FAM184A: variants seen among roughly 807,000 people sequenced by gnomAD.
FAM184A encodes the protein protein FAM184A.
FAM184A carries 99 observed loss-of-function variants against 143.8 expected under a neutral mutation model. The observed-to-expected ratio is 0.69, with a 90% CI of 0.58 to 0.81. The LOEUF is 0.81. Ranked by LOEUF, FAM184A falls within the 40% of genes least tolerant of loss-of-function variation. The probability of loss-of-function intolerance (pLI) is 0.00; values close to 1 mark genes in which losing one functional copy is unlikely to be tolerated. For synonymous variants in FAM184A, 427 were observed against 446.4 expected (o/e 0.96, Z 0.55); for missense variants, 1,217 against 1,310.5 (o/e 0.93, Z 1.10).
intron 1 of FAM184A, among the ~76,000 whole-genome samples, chr6:119,043,275 C>T (rs1260893779): frequency 6.6e-6 from 1 of 152,156 alleles, no homozygotes; most frequent in Non-Finnish European, 1.5e-5. Flanking sequence ...CAGGCATTGG[C>T]TCACCTGTGG....
At chr6:119,067,792 T>C in intron 1 of FAM184A, among the ~76,000 whole-genome samples, 1 of 152,086 alleles carries the variant, frequency 6.6e-6, no homozygotes, top group Non-Finnish European at 1.5e-5. Flanking sequence ...TCCCCAACAA[T>C]GTAGACTATA....
At chr6:119,074,157 C>T (rs1039047493) in intron 1 of FAM184A, among the ~76,000 whole-genome samples, 1 of 152,336 alleles carries the variant, frequency 6.6e-6, no homozygotes, top group Admixed American at 6.5e-5. Context: ...GAAACTAGAT[C>T]ACCAGCTAGC....
intron 9 of FAM184A, among the ~76,000 whole-genome samples, chr6:118,996,776 G>A (rs528674903): frequency 6.6e-6 from 1 of 152,032 alleles, no homozygotes; most frequent in African/African-American, 2.4e-5. Flanking sequence ...GTGCAGTGGT[G>A]TGATCTCGGC....
At chr6:118,975,829 G>A in intron 12 of FAM184A, 88 bp downstream of exon 12, 1 of 1,265,458 alleles carries the variant, frequency 7.9e-7, no homozygotes, top group East Asian at 2.5e-5. Flanking sequence ...GTGAAAATAA[G>A]TTATTACAAA....
Position 119,066,745 on chromosome 6 carries a change from G to A in FAM184A, c.159+11396C>T, listed in dbSNP as rs145337166. Among the ~76,000 whole-genome samples, 361 of 152,274 alleles carry A rather than the reference G, an allele frequency of 2.4e-3. 3 individuals are homozygous for A. Among genetic ancestry groups the A allele is most frequent in the African/African-American group, 8.4e-3 (348 of 41,556 alleles). On this transcript the variant is annotated intron_variant, in intron 1 of 17. Coordinates refer to ENST00000338891, the MANE Select transcript of FAM184A (RefSeq NM_024581.6). ...TGATCACAGTAGTACTCTTAACTGG[G>A]TTCCTTTTTCTGATAATTACTAGGG... is the stretch of plus-strand genomic sequence containing the variant.
chr6:119,015,778 A>C (rs936042952), intron 5 of FAM184A, among the ~76,000 whole-genome samples: 12 of 152,366 alleles, frequency 7.9e-5, no homozygotes, highest in Admixed American at 7.2e-4. Context: ...AGGTGAAGCC[A>C]GCTGGGCTCC....
intron 6 of FAM184A, among the ~76,000 whole-genome samples, chr6:119,008,951 G>T (rs1172433996): frequency 1.3e-5 from 2 of 152,146 alleles, no homozygotes; most frequent in Non-Finnish European, 2.9e-5. Flanking sequence ...ACCTCAGCAT[G>T]GCATCCCTTC....
intron 9 of FAM184A, among the ~76,000 whole-genome samples, chr6:118,994,577 T>C (rs1315373259): frequency 6.6e-6 from 1 of 151,858 alleles, no homozygotes; most frequent in East Asian, 1.9e-4. Flanking sequence ...TCCCAGCTAC[T>C]TGGGAGGCTG....
At chr6:119,088,468 T>C (rs1788286129) in intron 1 of FAM184A, among the ~76,000 whole-genome samples, 1 of 151,696 alleles carries the variant, frequency 6.6e-6, no homozygotes, top group Admixed American at 6.6e-5. Flanking sequence ...AAGAAAGAGG[T>C]AGAGGAAATG....
At position 118,980,355 on chromosome 6, in the gene FAM184A, G is replaced by A; in HGVS notation, c.2089-5C>T. 1 of 1,610,966 alleles carries A rather than the reference G, an allele frequency of 6.2e-7. No individual in the cohort carries two copies. The highest frequency in any genetic ancestry group is 8.5e-7 in the Non-Finnish European group (1 of 1,177,658). On this transcript the variant is annotated splice_polypyrimidine_tract_variant and splice_region_variant and intron_variant, in intron 9 of 17. Transcript: ENST00000338891. ...ATTCTGTTTCAGCAAGGAAATCTAT[G>A]CCCCAGAATGGTACACAATGAAGAA... is the stretch of plus-strand genomic sequence containing the variant.
intron 1 of FAM184A, among the ~76,000 whole-genome samples, chr6:119,056,313 G>A (rs369566614): frequency 5.9e-5 from 9 of 152,264 alleles, no homozygotes; most frequent in Admixed American, 2.6e-4. Context: ...GGATATGGGG[G>A]ATGTCTGATG....
rs1408582148 is a variant in FAM184A at position 119,026,967 on chromosome 6, T to G, written c.160-2154A>C. On this transcript the variant is annotated intron_variant, in intron 1 of 17. Transcript: ENST00000338891. Reference sequence around the variant, plus strand: ...CTTTTAAGGTCTGATAAGAGATATTTACCATCTATTCTCTCTGAAGCCTGC... The same window carrying G: ...CTTTTAAGGTCTGATAAGAGATATTGACCATCTATTCTCTCTGAAGCCTGC... Among the ~76,000 whole-genome samples, 3 of 152,136 alleles carry G rather than the reference T, an allele frequency of 2.0e-5. No homozygotes were observed. In the East Asian group the frequency reaches 5.8e-4, roughly 29 times the overall value.
chr6:119,072,157 C>T (rs1455884308), intron 1 of FAM184A, among the ~76,000 whole-genome samples: 1 of 152,164 alleles, frequency 6.6e-6, no homozygotes, highest in East Asian at 1.9e-4. Flanking sequence ...CCAGGGCACC[C>T]AACCTAAACC....
At chr6:119,032,601 A>AAGAGGGGGGAGAG (rs1785929379) in intron 1 of FAM184A, among the ~76,000 whole-genome samples, 1 of 112,138 alleles carries the variant, frequency 8.9e-6, no homozygotes, top group Non-Finnish European at 1.8e-5. Context: ...AGAGCAGGAG[A>AAGAGGGGGGAGAG]AGAGGGGGGA....
chr6:119,141,440 G>C (rs537925180), intron 1 of FAM184A, among the ~76,000 whole-genome samples: 46 of 152,286 alleles, frequency 3.0e-4, no homozygotes, highest in East Asian at 1.7e-3. Context: ...TGGCGTGGGC[G>C]GGGGGAGGAT....
intron 1 of FAM184A, among the ~76,000 whole-genome samples, chr6:119,091,316 C>T (rs1197874071): frequency 1.3e-5 from 2 of 152,190 alleles, no homozygotes; most frequent in African/African-American, 2.4e-5. Flanking sequence ...TCAACTTCTC[C>T]ACCTTGGTTT....
At chr6:118,995,300 T>G (rs1200264454) in intron 9 of FAM184A, among the ~76,000 whole-genome samples, 1 of 151,972 alleles carries the variant, frequency 6.6e-6, no homozygotes, top group African/African-American at 2.4e-5. Context: ...GCCTGTAGTT[T>G]CAGCTACTTG....
In FAM184A at chr6:118,974,451, T is replaced by C. The variant is rs781044364; in HGVS notation, c.2892A>G (p.Glu964=). The stretch of plus-strand genomic sequence containing the variant: ...ACGACACTTGTAAAGCGGCATTTAT[T>C]TCCTTGAGTAGCTCGTTAGTCTTAT... ...DFNKTNELLK[E]INAALQVSLE... The change falls in exon 14 of 18, where the codon GAA becomes GAG. Residue 964 remains glutamate (E), a synonymous_variant. Coordinates refer to ENST00000338891, the MANE Select transcript of FAM184A (RefSeq NM_024581.6). 2.5e-6 allele frequency: 4 copies of C among 1,610,144 alleles called. No homozygotes were observed. The highest frequency in any genetic ancestry group is 2.2e-5 in the East Asian group (1 of 44,738).
intron 1 of FAM184A, among the ~76,000 whole-genome samples, chr6:119,126,860 A>G (rs1789380686): frequency 6.6e-6 from 1 of 152,152 alleles, no homozygotes; most frequent in Admixed American, 6.5e-5. Context: ...GGGGAGCTGG[A>G]AAAGGGATGG....
Sources: gnomAD v4.1 joint callset for allele counts (sites outside exome capture counted in the v4.1 genomes callset) on GRCh38, gnomAD v4.1.1 for gene constraint, MANE v1.5 for transcripts, NCBI Gene and HGNC (gene_info 2026-07-23, HGNC 2026-07-21) for gene names.